The following PPM1B variants were observed in gnomAD, a reference collection of about 807,000 sequenced individuals.
The protein encoded by PPM1B is protein phosphatase, Mg2+/Mn2+ dependent 1B, also known as protein phosphatase 1B.
PPM1B carries 22 observed loss-of-function variants against 43.0 expected under a neutral mutation model. The ratio of observed to expected loss-of-function variants is 0.51; its 90% CI spans 0.37 to 0.73. The LOEUF (loss-of-function observed/expected upper bound fraction) is 0.73, where lower values mean the gene tolerates loss of function less well. Among genes scored for constraint, PPM1B ranks in the 30% least tolerant of loss-of-function variants. PPM1B has a pLI of 0.00. For missense variants in PPM1B, 632 were observed against 584.2 expected (o/e 1.08, Z -0.84); for synonymous variants, 217 against 197.9 (o/e 1.10, Z -0.81).
intron 1 of PPM1B, among the ~76,000 whole-genome samples, chr2:44,192,186 T>TATTG (rs1317680502): frequency 3.5e-3 from 169 of 48,812 alleles, no homozygotes; most frequent in African/African-American, 0.01. Context: ...TTATGTTATG[T>TATTG]TATGGTATTG....
intron 1 of PPM1B, among the ~76,000 whole-genome samples, chr2:44,197,740 GTCTGGATACCC>G (rs1668730760): frequency 6.6e-6 from 1 of 152,176 alleles, no homozygotes; most frequent in Admixed American, 6.5e-5. Flanking sequence ...TAGTTGTGTT[GTCTGGATACCC>G]TAGGTATCCC....
chr2:44,246,222 T>C (rs1670851558), downstream of PPM1B, among the ~76,000 whole-genome samples: 1 of 152,236 alleles, frequency 6.6e-6, no homozygotes, highest in Non-Finnish European at 1.5e-5. Context: ...AATACTTTTC[T>C]GTTCTTCTAT....
At chr2:44,173,175 C>T (rs1363011674) in intron 1 of PPM1B, among the ~76,000 whole-genome samples, 12 of 151,986 alleles carry the variant, frequency 7.9e-5, no homozygotes, top group African/African-American at 2.4e-5. Flanking sequence ...GTGTACTGGC[C>T]GGCCAAAAAA....
chr2:44,183,782 A>G (rs1354093361), intron 1 of PPM1B, among the ~76,000 whole-genome samples: 1 of 152,128 alleles, frequency 6.6e-6, no homozygotes, highest in East Asian at 1.9e-4. Context: ...TCAGTCGCCC[A>G]GGCTGGAGTG....
chr2:44,240,649 C>G (rs1169270153), intron 5 of PPM1B, among the ~76,000 whole-genome samples: 1 of 146,098 alleles, frequency 6.8e-6, no homozygotes, highest in Non-Finnish European at 1.5e-5. Flanking sequence ...TCACCCTGGT[C>G]CCAGATGATA....
At chr2:44,234,738 G>T, downstream of PPM1B, 1 of 307,896 alleles carries the variant, frequency 3.2e-6, no homozygotes, top group Middle Eastern at 1.7e-3. Context: ...TGCTTTTGTG[G>T]ATACTATCGA....
At position 44,182,620 on chromosome 2, in the gene PPM1B, G is replaced by C. The variant is rs188619500; in HGVS notation, c.-15+13346G>C. 1.5e-3 allele frequency among the ~76,000 whole-genome samples: 233 copies of C among 152,208 alleles called. 2 individuals carry two copies. Among genetic ancestry groups the C allele is most frequent in the African/African-American group, 5.4e-3 (226 of 41,542 alleles). On this transcript the variant is annotated intron_variant, in intron 1 of 5. Transcript: ENST00000282412. Reference sequence around the variant, plus strand: ...TACCTAATATTTAAGTTTTCTAATTGTGATTTGCTTTTCTTTTTTTACTTT... The same window carrying C: ...TACCTAATATTTAAGTTTTCTAATTCTGATTTGCTTTTCTTTTTTTACTTT...
intron 3 of PPM1B, among the ~76,000 whole-genome samples, chr2:44,216,821 A>G (rs1273484474): frequency 6.6e-6 from 1 of 151,044 alleles, no homozygotes; most frequent in Non-Finnish European, 1.5e-5. Context: ...GCTACTTGGG[A>G]GGCTGAGGCA....
chr2:44,176,239 T>C (rs1667575942), intron 1 of PPM1B, among the ~76,000 whole-genome samples: 1 of 152,180 alleles, frequency 6.6e-6, no homozygotes, highest in African/African-American at 2.4e-5. Context: ...GGTGGAACAA[T>C]AGGAGAAGGG....
chr2:44,241,593 G>T (rs1395772918), intron 5 of PPM1B, among the ~76,000 whole-genome samples: 2 of 136,418 alleles, frequency 1.5e-5, no homozygotes, highest in Non-Finnish European at 3.3e-5. Context: ...TTAGCCAGGC[G>T]TGGTGGTGTG....
chr2:44,213,582 T>C (rs538817011), intron 3 of PPM1B: 1 of 152,266 alleles, frequency 6.6e-6, no homozygotes, highest in Non-Finnish European at 1.5e-5. Context: ...ATTTGGAGAA[T>C]GGGGATTTAT....
chr2:44,203,948 T>C (rs372803711), intron 2 of PPM1B, among the ~76,000 whole-genome samples: 15 of 152,306 alleles, frequency 9.8e-5, no homozygotes, highest in African/African-American at 3.6e-4. Flanking sequence ...ACTTGCTAGC[T>C]TTTATCAATT....
chr2:44,178,452 G>GTATATA (rs1553326413), intron 1 of PPM1B, among the ~76,000 whole-genome samples: 52 of 135,688 alleles, frequency 3.8e-4, no homozygotes, highest in African/African-American at 1.2e-3. Flanking sequence ...TTTTATATAT[G>GTATATA]TATATATATA....
chr2:44,198,320 C>A (rs1254963759), intron 1 of PPM1B, among the ~76,000 whole-genome samples: 1 of 152,072 alleles, frequency 6.6e-6, no homozygotes, highest in Non-Finnish European at 1.5e-5. Flanking sequence ...ACCACCATGC[C>A]CGGCCAATTT....
At chr2:44,172,209 T>C (rs1486900221) in intron 1 of PPM1B, among the ~76,000 whole-genome samples, 1 of 152,230 alleles carries the variant, frequency 6.6e-6, no homozygotes, top group Admixed American at 6.5e-5. Context: ...GATTTCTTTT[T>C]GTTTTTCCCT....
At chr2:44,202,538 C>T (rs1038116275) in intron 2 of PPM1B, among the ~76,000 whole-genome samples, 1 of 152,152 alleles carries the variant, frequency 6.6e-6, no homozygotes, top group African/African-American at 2.4e-5. Context: ...TTGTATATTT[C>T]TCATTGTCTT....
Position 44,201,301 on chromosome 2 carries a change from G to A in PPM1B, c.102G>A (p.Val34=). ...TGAGCAGCATGCAAGGATGGAGAGT[G>A]GAAATGGAAGATGCACACACAGCTG... is the stretch of plus-strand genomic sequence containing the variant. ...YGLSSMQGWR[V]EMEDAHTAVV... is the part of the protein sequence containing the mutation. Residue 34 remains valine, a synonymous_variant, in exon 2 of 6, where the codon GTG becomes GTA. Transcript: ENST00000282412. This position sits in a 1 kb window ranked among gnomAD's most constrained non-coding sequence, Gnocchi z 5.4. The A allele has an allele frequency of 6.2e-7, 1 of 1,614,172 alleles. No homozygotes were observed. Among genetic ancestry groups the A allele is most frequent in the Non-Finnish European group, 8.5e-7 (1 of 1,180,022 alleles).
rs755636753 is a variant in PPM1B, at chr2:44,201,373, T to G, written c.174T>G (p.Val58=). Residue 58 remains valine, a synonymous_variant, in exon 2 of 6, where the codon GTT becomes GTG. Transcript: ENST00000282412. The surrounding 1 kb of genome is among the most constrained non-coding windows in gnomAD (Gnocchi z 5.4). ...TGGAAGACTGGTCATTTTTTGCAGT[T>G]TATGATGGTCATGCTGGATCCCGAG... is the stretch of plus-strand genomic sequence containing the variant. ...HGLEDWSFFA[V]YDGHAGSRVA... The G allele has an allele frequency of 6.2e-7, 1 of 1,614,178 alleles. No individual in the cohort carries two copies. Among genetic ancestry groups the G allele is most frequent in the Non-Finnish European group, 8.5e-7 (1 of 1,180,028 alleles).
At chr2:44,193,565 AATTTTTTTTCTTTTT>A (rs1264290965) in intron 1 of PPM1B, among the ~76,000 whole-genome samples, 5 of 149,572 alleles carry the variant, frequency 3.3e-5, no homozygotes, top group Admixed American at 6.7e-5. Context: ...AGCTAATTAA[AATTTTTTTTCTTTTT>A]TTTTTTTTTT....
Sources: allele counts gnomAD v4.1 joint callset (sites outside exome capture counted in the v4.1 genomes callset), GRCh38; gene constraint gnomAD v4.1.1; non-coding constraint Gnocchi (gnomAD v3.1); transcripts MANE v1.5; gene names NCBI Gene and HGNC (gene_info 2026-07-23, HGNC 2026-07-21).